Variants in SHROOM4 observed in about 807,000 individuals in gnomAD.
SHROOM4 encodes protein Shroom4.
In SHROOM4, 17 loss-of-function variants were observed where a neutral mutation model predicts 80.3. The observed-to-expected ratio is 0.21, with a 90% CI of 0.14 to 0.32. The LOEUF (loss-of-function observed/expected upper bound fraction) is 0.32. Ranked by LOEUF, SHROOM4 falls within the 10% of genes least tolerant of loss-of-function variation. The pLI is 1.00. For missense variants in SHROOM4, 993 were observed against 1,140.3 expected, an observed-to-expected ratio of 0.87 and a Z score of 1.86; for synonymous variants, 400 against 437.5, an observed-to-expected ratio of 0.91 and a Z score of 1.07.
At chrX:50,753,117 C>T (rs1256809202) in intron 1 of SHROOM4, among the ~76,000 whole-genome samples, 3 of 111,881 alleles carry the variant, frequency 2.7e-5, no homozygotes, top group Non-Finnish European at 5.6e-5. Flanking sequence ...CTCTAGATTA[C>T]GTAAAGGACT....
chrX:50,704,379 T>A (rs1274420829), intron 1 of SHROOM4, among the ~76,000 whole-genome samples: 3 of 111,873 alleles, frequency 2.7e-5, no homozygotes, highest in Admixed American at 9.5e-5. Context: ...TAACAAGCCA[T>A]TGTTGATGTG....
rs1450003325 is a variant in SHROOM4 at position 50,629,596 on chromosome X, C to T, written c.2896-1921G>A. Among the ~76,000 whole-genome samples, 4 of 112,124 alleles carry T rather than the reference C, an allele frequency of 3.6e-5. No homozygotes were observed. The Admixed American group carries it at 3.8e-4, about 11-fold the overall frequency. On this transcript the variant is annotated intron_variant, in intron 4 of 8. Coordinates refer to ENST00000376020, the MANE Select transcript of SHROOM4 (RefSeq NM_020717.5). ...CTGTCATGTTATTCAAATTCTGGCTCTGCCACTTGCTAGATGTGTGACCTC... is the reference window on the plus strand; with the variant it reads ...CTGTCATGTTATTCAAATTCTGGCTTTGCCACTTGCTAGATGTGTGACCTC...
intron 1 of SHROOM4, among the ~76,000 whole-genome samples, chrX:50,772,698 T>TA (rs1315749006): frequency 8.9e-6 from 1 of 112,049 alleles, no homozygotes; most frequent in African/African-American, 3.2e-5. Flanking sequence ...AAATCAGCAA[T>TA]AGCTCAAATT....
At chrX:50,758,138 TAC>T (rs1935077077) in intron 1 of SHROOM4, among the ~76,000 whole-genome samples, 1 of 111,905 alleles carries the variant, frequency 8.9e-6, no homozygotes, top group African/African-American at 3.2e-5. Context: ...TGTCATATCC[TAC>T]AGACATGATG....
chrX:50,735,891 C>T (rs1033386108), intron 1 of SHROOM4, among the ~76,000 whole-genome samples: 7 of 108,844 alleles, frequency 6.4e-5, no homozygotes, highest in African/African-American at 1.0e-4. Context: ...CCTACAGTCC[C>T]GGATACTTGG....
chrX:50,748,591 C>G (rs1557267836), intron 1 of SHROOM4, among the ~76,000 whole-genome samples: 2 of 111,678 alleles, frequency 1.8e-5, no homozygotes. Flanking sequence ...GGAACCCTTC[C>G]AACTCCAGGA....
At chrX:50,795,519 T>C (rs1935993696) in intron 1 of SHROOM4, among the ~76,000 whole-genome samples, 1 of 110,897 alleles carries the variant, frequency 9.0e-6, no homozygotes, top group Admixed American at 9.7e-5. Flanking sequence ...AAGAACATGG[T>C]GAGCACCAGA....
At chrX:50,679,690 T>C (rs1932902895) in intron 2 of SHROOM4, among the ~76,000 whole-genome samples, 1 of 111,883 alleles carries the variant, frequency 8.9e-6, no homozygotes, top group African/African-American at 3.2e-5. Flanking sequence ...CATTTCTTCA[T>C]GTTAAGAATA....
intron 1 of SHROOM4, among the ~76,000 whole-genome samples, chrX:50,790,237 C>A (rs1388787711): frequency 2.7e-5 from 3 of 110,562 alleles, no homozygotes; most frequent in East Asian, 2.8e-4. Context: ...TATGACTGAC[C>A]AAGACTGTCA....
At chrX:50,698,006 T>G (rs1222578790) in intron 1 of SHROOM4, among the ~76,000 whole-genome samples, 4 of 112,007 alleles carry the variant, frequency 3.6e-5, no homozygotes, top group Non-Finnish European at 7.5e-5. Flanking sequence ...CCTGTTGATG[T>G]ACATTAGTCT....
intron 2 of SHROOM4, among the ~76,000 whole-genome samples, chrX:50,653,433 T>TA (rs1932189245): frequency 1.8e-5 from 2 of 112,257 alleles, no homozygotes; most frequent in Admixed American, 1.9e-4. Context: ...GAGACTTTGC[T>TA]GAAGTTGCTT....
chrX:50,696,214 A>G (rs782500493), intron 1 of SHROOM4, among the ~76,000 whole-genome samples: 30 of 111,839 alleles, frequency 2.7e-4, no homozygotes, highest in African/African-American at 9.4e-4. Context: ...TACGAAACTG[A>G]TGCTTGGAAT....
At chrX:50,755,828 G>A (rs1935028760) in intron 1 of SHROOM4, among the ~76,000 whole-genome samples, 1 of 111,337 alleles carries the variant, frequency 9.0e-6, no homozygotes, top group African/African-American at 3.3e-5. Flanking sequence ...GGGTACAGGA[G>A]AGGTACATGG....
chrX:50,734,944 T>C (rs1934450918), intron 1 of SHROOM4, among the ~76,000 whole-genome samples: 1 of 110,780 alleles, frequency 9.0e-6, no homozygotes, highest in Admixed American at 9.7e-5. Context: ...TCCTTCATCT[T>C]CTGCCATGAT....
At chrX:50,730,203 G>A (rs1295379202) in intron 1 of SHROOM4, among the ~76,000 whole-genome samples, 7 of 110,641 alleles carry the variant, frequency 6.3e-5, no homozygotes, top group African/African-American at 1.3e-4. Context: ...CGAGGCGGGC[G>A]GATCACCTGA....
chrX:50,593,735 C>A lies in SHROOM4; in HGVS notation c.*2960G>T, dbSNP rs1928978063. Reference sequence around the variant, plus strand: ...AGGATGTGGCTCTGGTGTGCCTGGGCAGCTTTATGGCACATGAGGTTAAAT... The same window carrying A: ...AGGATGTGGCTCTGGTGTGCCTGGGAAGCTTTATGGCACATGAGGTTAAAT... On this transcript the variant is annotated 3_prime_UTR_variant, in exon 9 of 9. Coordinates refer to ENST00000376020, the MANE Select transcript of SHROOM4 (RefSeq NM_020717.5). 8.9e-6 allele frequency: 1 copy of A among 112,263 alleles called. No individual in the cohort carries two copies. The highest frequency in any genetic ancestry group is 1.9e-5 in the Non-Finnish European group (1 of 53,281). The allele number at this position is 112,263 out of a possible 1,213,427, so 9.3% of individuals were successfully genotyped here.
chrX:50,593,947 T>A lies in SHROOM4; in HGVS notation c.*2748A>T, dbSNP rs1928988313. The stretch of plus-strand genomic sequence containing the variant: ...CTCCAGCTGTGGGACTCAGGAAGAT[T>A]CAATTATCCAGAGCCCTGGGAGGTG... On this transcript the variant is annotated 3_prime_UTR_variant, in exon 9 of 9. Transcript: ENST00000376020. 8.9e-6 allele frequency: 1 copy of A among 112,180 alleles called. No individual in the cohort carries two copies. The highest frequency in any genetic ancestry group is 1.9e-5 in the Non-Finnish European group (1 of 53,290). The allele number at this position is 112,180 out of a possible 1,213,427, so 9.2% of individuals were successfully genotyped here. A position where few individuals can be genotyped will look rare whatever the true frequency, so the allele number is the denominator to read the frequency against.
At chrX:50,597,678 A>T (rs1193364147) in intron 8 of SHROOM4, among the ~76,000 whole-genome samples, 1 of 111,500 alleles carries the variant, frequency 9.0e-6, no homozygotes, top group East Asian at 2.8e-4. Flanking sequence ...TCTCACAATA[A>T]TCCCATAAGG....
chrX:50,736,839 G>C (rs1237092205), intron 1 of SHROOM4, among the ~76,000 whole-genome samples: 1 of 112,019 alleles, frequency 8.9e-6, no homozygotes, highest in Non-Finnish European at 1.9e-5. Flanking sequence ...CACAATGGTT[G>C]AATTAGTTTA....
Sources: allele counts gnomAD v4.1 joint callset (sites outside exome capture counted in the v4.1 genomes callset), GRCh38; gene constraint gnomAD v4.1.1; transcripts MANE v1.5; gene names NCBI Gene and HGNC (gene_info 2026-07-23, HGNC 2026-07-21).